Variants in FYB2 observed in about 807,000 individuals in gnomAD.
FYB2 encodes the protein FYN-binding protein 2.
In FYB2, 103 loss-of-function variants were observed where a neutral mutation model predicts 94.1. The observed-to-expected ratio is 1.09, with a 90% confidence interval of 0.93 to 1.29. FYB2 has a LOEUF of 1.29. Among genes scored for constraint, FYB2 ranks in the 50% most tolerant of loss-of-function variants. FYB2 has a pLI of 0.00. For missense variants in FYB2, 896 were observed against 841.5 expected (o/e 1.06, Z -0.80); for synonymous variants, 293 against 287.9 (o/e 1.02, Z -0.18).
At chr1:56,793,906 T>C (rs754699841) in intron 1 of FYB2, among the ~76,000 whole-genome samples, 1 of 152,156 alleles carries the variant, frequency 6.6e-6, no homozygotes, top group Non-Finnish European at 1.5e-5. Context: ...TATGTTCACA[T>C]GAAGACTCCA....
chr1:56,750,877 C>G (rs558024790), intron 9 of FYB2, among the ~76,000 whole-genome samples, 167 bp downstream of exon 9: 29 of 152,130 alleles, frequency 1.9e-4, no homozygotes, highest in African/African-American at 7.0e-4. Flanking sequence ...TTCTGCTTTT[C>G]AATTCAGTGT....
At chr1:56,725,583 T>C (rs1487060014) in intron 16 of FYB2, among the ~76,000 whole-genome samples, 1 of 152,102 alleles carries the variant, frequency 6.6e-6, no homozygotes, top group African/African-American at 2.4e-5. Flanking sequence ...TTCTGTTTTG[T>C]TATGCTGTGC....
At chr1:56,757,802 G>A (rs1241665651) in intron 6 of FYB2, among the ~76,000 whole-genome samples, 1 of 144,296 alleles carries the variant, frequency 6.9e-6, no homozygotes, top group East Asian at 2.1e-4. Context: ...GTCTCAGTCT[G>A]TCTACTGCCC....
intron 5 of FYB2, among the ~76,000 whole-genome samples, chr1:56,763,632 GT>G (rs1645552893): frequency 6.6e-6 from 1 of 151,736 alleles, no homozygotes; most frequent in East Asian, 1.9e-4. Context: ...TCTTTTTTCT[GT>G]TTCTTTTTCA....
At chr1:56,788,817 T>C (rs1205009076) in intron 3 of FYB2, 156 bp downstream of exon 3, 2 of 1,083,014 alleles carry the variant, frequency 1.8e-6, no homozygotes, top group African/African-American at 3.1e-5. Flanking sequence ...GAGACATCGT[T>C]TCATGGGCAA....
At chr1:56,748,748 C>T (rs1484370917) in intron 9 of FYB2, among the ~76,000 whole-genome samples, 3 of 151,786 alleles carry the variant, frequency 2.0e-5, no homozygotes, top group Non-Finnish European at 2.9e-5. Flanking sequence ...TAATATTTTG[C>T]TCCTTCCTCA....
chr1:56,719,884 TATAGA>T, intron 19 of FYB2, 133 bp downstream of exon 19: 1 of 1,041,958 alleles, frequency 9.6e-7, no homozygotes, highest in Non-Finnish European at 1.4e-6. Context: ...ACATAATCCT[TATAGA>T]ATAGGGCACT....
chr1:56,726,560 C>T lies in FYB2; in HGVS notation c.1817G>A (p.Trp606Ter). ...ESKDEDKLKMWKPKFLTPKEK... is the reference protein window; with the variant it reads ...ESKDEDKLKM The stretch of plus-strand genomic sequence containing the variant: ...CTTTGGTGTCAGAAACTTGGGCTTC[C>T]ACATTTTCAGTTTATCTTCATCTCT... The change falls in exon 16 of 20, where the codon TGG (tryptophan) becomes TAG (stop). Residue 606 changes from tryptophan (W) to a stop codon, truncating the protein, a stop_gained. Transcript: ENST00000343433. LOFTEE classifies it high-confidence loss of function. 1.2e-6 allele frequency: 2 copies of T among 1,611,662 alleles called. No homozygotes were observed. The highest frequency in any genetic ancestry group is 3.3e-5 in the Admixed American group (2 of 59,754).
upstream of FYB2, among the ~76,000 whole-genome samples, chr1:56,822,723 G>T (rs960658463): frequency 7.1e-6 from 1 of 139,864 alleles, no homozygotes; most frequent in African/African-American, 2.7e-5. Context: ...CATAAGCAAT[G>T]GTGTGAAACA....
At chr1:56,789,691 C>A (rs992392151) in intron 2 of FYB2, among the ~76,000 whole-genome samples, 3 of 152,022 alleles carry the variant, frequency 2.0e-5, no homozygotes, top group African/African-American at 7.3e-5. Context: ...TTGTTAATAC[C>A]CTTACATCAA....
At chr1:56,731,048 C>G (rs1203944696) in intron 15 of FYB2, among the ~76,000 whole-genome samples, 1 of 152,020 alleles carries the variant, frequency 6.6e-6, no homozygotes, top group Non-Finnish European at 1.5e-5. Context: ...TGCACTCCAG[C>G]CTGAGTGACA....
chr1:56,826,651 C>T, the FYB2 span: 1 of 152,280 alleles, frequency 6.6e-6, no homozygotes, highest in Non-Finnish European at 1.5e-5. Context: ...AGGTGATTTA[C>T]TTAGTTCTGT....
intron 1 of FYB2, among the ~76,000 whole-genome samples, chr1:56,817,218 C>T (rs532171692): frequency 6.6e-6 from 1 of 152,236 alleles, no homozygotes; most frequent in Admixed American, 6.5e-5. Flanking sequence ...TCTGAACACT[C>T]CTTCACTTCC....
intron 1 of FYB2, among the ~76,000 whole-genome samples, chr1:56,816,874 T>TC (rs1374211992): frequency 6.6e-6 from 1 of 151,934 alleles, no homozygotes; most frequent in Non-Finnish European, 1.5e-5. Flanking sequence ...TTTTTTTTTT[T>TC]TTTGTCTAAT....
chr1:56,824,994 T>C, the FYB2 span: 1 of 152,250 alleles, frequency 6.6e-6, no homozygotes, highest in African/African-American at 2.4e-5. Flanking sequence ...AGGTGGCCTG[T>C]GTCAATGAGA....
rs1394862273 is a variant in FYB2, at chr1:56,751,126, T to G, written c.1305A>C (p.Gly435=). ...VHTGRRNMLA[G]KQEAMIDIIQ... ...TGATGTCAATCATGGCCTCTTGCTT[T>G]CCAGCCAACATGTTCCTTCTACCTG... The change falls in exon 9 of 20, where the codon GGA becomes GGC. Residue 435 remains glycine, a synonymous_variant. Transcript: ENST00000343433. The G allele has an allele frequency of 5.0e-6, 8 of 1,612,808 alleles. No individual in the cohort carries two copies. Among genetic ancestry groups the G allele is most frequent in the African/African-American group, 1.3e-5 (1 of 74,812 alleles).
At chr1:56,795,574 G>C (rs917947383) in intron 1 of FYB2, among the ~76,000 whole-genome samples, 1 of 151,034 alleles carries the variant, frequency 6.6e-6, no homozygotes, top group Admixed American at 6.6e-5. Context: ...CATAGCAACT[G>C]CACCATTTTA....
chr1:56,781,184 T>C (rs550274557), intron 4 of FYB2, among the ~76,000 whole-genome samples: 1 of 152,360 alleles, frequency 6.6e-6, no homozygotes, highest in Admixed American at 6.5e-5. Flanking sequence ...TGACATGCTT[T>C]TTGTTGTTGC....
chr1:56,752,039 C>CA (rs955373212), intron 8 of FYB2, among the ~76,000 whole-genome samples: 30 of 151,050 alleles, frequency 2.0e-4, no homozygotes, highest in South Asian at 2.1e-4. Context: ...TAAATCAGCA[C>CA]AAAAAAAAGG....
Sources: gnomAD v4.1 joint callset for allele counts (sites outside exome capture counted in the v4.1 genomes callset) on GRCh38, gnomAD v4.1.1 for gene constraint, MANE v1.5 for transcripts, NCBI Gene and HGNC (gene_info 2026-07-23, HGNC 2026-07-21) for gene names.